Variants in FOCAD observed in about 807,000 individuals in gnomAD.
FOCAD encodes the protein KIAA1797.
FOCAD carries 198 observed loss-of-function variants against 225.6 expected under a neutral mutation model. The ratio of observed to expected loss-of-function variants is 0.88; its 90% CI spans 0.78 to 0.99. The LOEUF is 0.99. Ranked by LOEUF, FOCAD falls within the 50% of genes least tolerant of loss-of-function variation. FOCAD has a pLI of 0.00. For missense variants in FOCAD, 2,713 were observed against 2,123.6 expected (o/e 1.28, Z -5.46); for synonymous variants, 897 against 755.0 (o/e 1.19, Z -3.08).
intron 23 of FOCAD, among the ~76,000 whole-genome samples, chr9:20,914,826 C>G (rs993001629): frequency 1.3e-5 from 2 of 152,116 alleles, no homozygotes; most frequent in Non-Finnish European, 2.9e-5. Context: ...AAAATACACC[C>G]TGCGGGGCAT....
At chr9:20,672,291 T>C (rs569190521) in intron 2 of FOCAD, among the ~76,000 whole-genome samples, 17 of 152,344 alleles carry the variant, frequency 1.1e-4, no homozygotes, top group African/African-American at 4.1e-4. Flanking sequence ...GTATAATTTT[T>C]ATAAAGTTTT....
rs568059125 is a variant in FOCAD, at chr9:20,972,421, C to T, written c.4133-3999C>T. ...TAGTGATATTGGTCATCTTCATATGCTTGTTGGACATTTGTATATCATCTT... is the reference window on the plus strand; with the variant it reads ...TAGTGATATTGGTCATCTTCATATGTTTGTTGGACATTTGTATATCATCTT... On this transcript the variant is annotated intron_variant, in intron 35 of 43. Transcript: ENST00000338382. 3.3e-5 allele frequency among the ~76,000 whole-genome samples: 5 copies of T among 152,118 alleles called. No homozygotes were observed. In the East Asian group the frequency reaches 9.7e-4, roughly 29 times the overall value.
At chr9:20,938,471 G>A (rs566874487) in intron 28 of FOCAD, among the ~76,000 whole-genome samples, 12 of 152,026 alleles carry the variant, frequency 7.9e-5, no homozygotes, top group African/African-American at 2.7e-4. Context: ...TCAGCAAACT[G>A]TCGCAAGGAC....
chr9:20,715,037 T>A (rs984645146), intron 1 of FOCAD, among the ~76,000 whole-genome samples: 29 of 152,364 alleles, frequency 1.9e-4, no homozygotes, highest in Admixed American at 1.3e-4. Context: ...GTTGAACTTT[T>A]GGATGTTTTT....
intron 35 of FOCAD, among the ~76,000 whole-genome samples, chr9:20,953,284 C>T (rs1837847972): frequency 6.6e-6 from 1 of 152,194 alleles, no homozygotes; most frequent in South Asian, 2.1e-4. Flanking sequence ...GAATCACTGT[C>T]TCCGACCATG....
At chr9:20,717,415 G>A (rs6475470) in intron 2 of FOCAD, among the ~76,000 whole-genome samples, 130,802 of 152,222 alleles carry the variant, frequency 0.86, 56,286 homozygotes, top group Middle Eastern at 0.9. Context: ...ATGAAGCATG[G>A]TGGATTTCGT....
chr9:20,978,093 A>G (rs529711583), intron 36 of FOCAD, among the ~76,000 whole-genome samples: 2 of 152,320 alleles, frequency 1.3e-5, no homozygotes, highest in East Asian at 3.9e-4. Flanking sequence ...TCCTCTGGAT[A>G]TCATAAGAGA....
chr9:20,784,654 T>C (rs1338866218), intron 10 of FOCAD, among the ~76,000 whole-genome samples: 1 of 152,212 alleles, frequency 6.6e-6, no homozygotes, highest in Admixed American at 6.5e-5. Context: ...CATGTGTTTA[T>C]TCATTCTTAT....
In FOCAD at chr9:20,768,407, T is replaced by TTA. The variant is rs200020027; in HGVS notation, c.700-1624_700-1623dup. Among the ~76,000 whole-genome samples the TTA allele has an allele frequency of 5.1e-3, 783 of 152,194 alleles. 19 individuals carry two copies. Among genetic ancestry groups the TTA allele is most frequent in the East Asian group, 0.049 (254 of 5,172 alleles). ...CTGGGGATGGCATTGAATGTGTAAA[T>TTA]TACCTTGGGCAGTATGGCCATTTTC... is the stretch of plus-strand genomic sequence containing the variant. On this transcript the variant is annotated intron_variant, in intron 7 of 43. Coordinates refer to ENST00000338382, the MANE Select transcript of FOCAD (RefSeq NM_001375567.1).
chr9:20,904,923 T>C (rs1832835440), intron 21 of FOCAD, among the ~76,000 whole-genome samples: 1 of 152,062 alleles, frequency 6.6e-6, no homozygotes, highest in South Asian at 2.1e-4. Context: ...ATATAGGCAA[T>C]GTGGCTGACT....
chr9:20,868,276 G>A (rs1489360833), intron 18 of FOCAD, among the ~76,000 whole-genome samples: 6 of 151,980 alleles, frequency 3.9e-5, no homozygotes, highest in Admixed American at 6.6e-5. Context: ...GTTTTTAATA[G>A]GCAATTATTC....
At chr9:20,661,753 G>A (rs1468246065) in intron 2 of FOCAD, among the ~76,000 whole-genome samples, 2 of 152,144 alleles carry the variant, frequency 1.3e-5, no homozygotes, top group African/African-American at 4.8e-5. Flanking sequence ...AGTAATACCA[G>A]ATTACAAAGG....
Position 20,700,984 on chromosome 9 carries a change from C to T in FOCAD, c.-32-14338C>T, listed in dbSNP as rs572547752. ...GTGGGGACCCTTCCCACTTCTGATT[C>T]TTCTTTACTGGCATCTGAGCAGGTG... is the stretch of plus-strand genomic sequence containing the variant. On this transcript the variant is annotated intron_variant, in intron 1 of 43. Transcript: ENST00000338382. Among the ~76,000 whole-genome samples the T allele has an allele frequency of 9.8e-5, 15 of 152,288 alleles. No individual in the cohort carries two copies. The East Asian group carries it at 2.9e-3, about 29-fold the overall frequency.
At chr9:20,902,895 G>A (rs1386126447) in intron 21 of FOCAD, among the ~76,000 whole-genome samples, 1 of 151,902 alleles carries the variant, frequency 6.6e-6, no homozygotes, top group Admixed American at 6.6e-5. Flanking sequence ...AGTGTGCAAA[G>A]TCTAATAGAT....
At chr9:20,831,843 G>A (rs1301924322) in intron 15 of FOCAD, among the ~76,000 whole-genome samples, 1 of 151,944 alleles carries the variant, frequency 6.6e-6, no homozygotes, top group Non-Finnish European at 1.5e-5. Flanking sequence ...CATCCCTTAA[G>A]CATTGAACCC....
chr9:20,872,629 T>C (rs565258143), intron 18 of FOCAD, among the ~76,000 whole-genome samples: 1 of 151,960 alleles, frequency 6.6e-6, no homozygotes, highest in East Asian at 1.9e-4. Flanking sequence ...TCTTTTCTTT[T>C]CTTTCTTGCT....
At chr9:20,794,567 C>T (rs1228529925) in intron 11 of FOCAD, among the ~76,000 whole-genome samples, 1 of 152,080 alleles carries the variant, frequency 6.6e-6, no homozygotes, top group African/African-American at 2.4e-5. Context: ...TGAAAGAGAA[C>T]ACAAGGCTAC....
At chr9:20,657,201 G>T (rs1821516459), upstream of FOCAD, among the ~76,000 whole-genome samples, 1 of 151,036 alleles carries the variant, frequency 6.6e-6, no homozygotes, top group African/African-American at 2.4e-5. Context: ...CTCTCTGGCT[G>T]CCCTTAACAT....
chr9:20,853,376 G>C (rs751941868), intron 15 of FOCAD, among the ~76,000 whole-genome samples: 1 of 151,732 alleles, frequency 6.6e-6, no homozygotes, highest in Non-Finnish European at 1.5e-5. Context: ...AAATGTCTCT[G>C]TTTTTACTTG....
Sources: gnomAD v4.1 joint callset for allele counts (sites outside exome capture counted in the v4.1 genomes callset) on GRCh38, gnomAD v4.1.1 for gene constraint, MANE v1.5 for transcripts, NCBI Gene and HGNC (gene_info 2026-07-23, HGNC 2026-07-21) for gene names.